Variants in RCOR3 observed in about 807,000 individuals in gnomAD.
The protein encoded by RCOR3 is REST corepressor 3.
Under a neutral mutation model 64.1 loss-of-function variants are expected in RCOR3, and 13 were observed. The observed-to-expected ratio is 0.20, with a 90% CI of 0.13 to 0.32. RCOR3 has a LOEUF of 0.32. RCOR3 is among the 10% of genes least tolerant of loss of function. The probability of loss-of-function intolerance (pLI) is 1.00; values close to 1 mark genes in which losing one functional copy is unlikely to be tolerated. For missense variants in RCOR3, 489 were observed against 701.2 expected (o/e 0.70, Z 3.42); for synonymous variants, 215 against 239.0 (o/e 0.90, Z 0.93).
Position 211,295,711 on chromosome 1 carries a change from A to G in RCOR3, c.975A>G (p.Lys325=), listed in dbSNP as rs368778946. The G allele has an allele frequency of 2.5e-6, 4 of 1,613,644 alleles. No individual in the cohort carries two copies. The highest frequency in any genetic ancestry group is 3.4e-6 in the Non-Finnish European group (4 of 1,179,824). Residue 325 remains lysine (K), a synonymous_variant, in exon 9 of 12, where the codon AAA becomes AAG. Coordinates refer to ENST00000419091, the MANE Select transcript of RCOR3 (RefSeq NM_001136223.3). The part of the protein sequence containing the change: ...QNAKQVNSAL[K]QKMEGGIEEF... ...CTAAGCAAGTAAACAGTGCACTTAA[A>G]CAGAAAATGGAAGGTGGAATTGAAG...
At position 211,278,105 on chromosome 1, in the gene RCOR3, A is replaced by T. The variant is rs780877176; in HGVS notation, c.517-12A>T. The T allele has an allele frequency of 1.3e-6, 2 of 1,582,136 alleles. No homozygotes were observed. The highest frequency in any genetic ancestry group is 3.7e-5 in the Admixed American group (2 of 53,708). Reference sequence around the variant, plus strand: ...AATTAAACTTGCTGATATTAACATGATTTTTTTTAAGCTTCCAGATAAGAC... The same window carrying T: ...AATTAAACTTGCTGATATTAACATGTTTTTTTTTAAGCTTCCAGATAAGAC... On this transcript the variant is annotated splice_polypyrimidine_tract_variant and intron_variant, in intron 5 of 11. Transcript: ENST00000419091.
At chr1:211,307,480 C>CA (rs1210930236) in intron 10 of RCOR3, among the ~76,000 whole-genome samples, 3 of 8,362 alleles carry the variant, frequency 3.6e-4, no homozygotes, top group African/African-American at 1.0e-3. Flanking sequence ...GACTCTGACT[C>CA]AAAAAAAAAA....
chr1:211,303,812 A>G (rs979386246), intron 9 of RCOR3: 4 of 243,000 alleles, frequency 1.6e-5, no homozygotes, highest in Non-Finnish European at 3.1e-5. Context: ...GGAAACTAAT[A>G]GACTTTCTCA....
rs1698938171 is a variant in RCOR3 at position 211,289,173 on chromosome 1, C to G, written c.721-5C>G. On this transcript the variant is annotated splice_polypyrimidine_tract_variant and splice_region_variant and intron_variant, in intron 7 of 11. Coordinates refer to ENST00000419091, the MANE Select transcript of RCOR3 (RefSeq NM_001136223.3). ...TGACCTGTTATTCTGCTTTTATTCTCTTAGGGTAATACTGAACAACCTGTC... is the reference window on the plus strand; with the variant it reads ...TGACCTGTTATTCTGCTTTTATTCTGTTAGGGTAATACTGAACAACCTGTC... The G allele has an allele frequency of 1.9e-6, 3 of 1,610,252 alleles. No individual in the cohort carries two copies. Among genetic ancestry groups the G allele is most frequent in the East Asian group, 2.2e-5 (1 of 44,848 alleles).
intron 8 of RCOR3, among the ~76,000 whole-genome samples, chr1:211,295,044 ATTTTTTT>A (rs67407386): frequency 2.3e-5 from 1 of 44,390 alleles, no homozygotes; most frequent in African/African-American, 8.2e-5. Context: ...TGACCAGCTA[ATTTTTTT>A]TTTTTTTTTT....
chr1:211,278,017 A>AT (rs1382423501), intron 5 of RCOR3, 100 bp from the exon 6 acceptor site: 10 of 1,085,750 alleles, frequency 9.2e-6, no homozygotes, highest in Non-Finnish European at 1.3e-5. Flanking sequence ...CCCATGAAAT[A>AT]TTTTTTTATT....
chr1:211,292,274 C>T (rs1456363667), intron 8 of RCOR3, among the ~76,000 whole-genome samples: 2 of 152,158 alleles, frequency 1.3e-5, no homozygotes, highest in Non-Finnish European at 2.9e-5. Flanking sequence ...ACCACTATAC[C>T]ACCAACGCAT....
rs561051139 is a variant in RCOR3 at position 211,294,343 on chromosome 1, C to A, written c.940-1333C>A. Among the ~76,000 whole-genome samples, 29 of 152,214 alleles carry A rather than the reference C, an allele frequency of 1.9e-4. 1 individual carries two copies. Among genetic ancestry groups the A allele is most frequent in the African/African-American group, 6.5e-4 (27 of 41,554 alleles). The stretch of plus-strand genomic sequence containing the variant: ...TTCACAAACTACAACCATTTTGACT[C>A]CCACTTCCATAAGCAACCTTCAGGT... On this transcript the variant is annotated intron_variant, in intron 8 of 11. Coordinates refer to ENST00000419091, the MANE Select transcript of RCOR3 (RefSeq NM_001136223.3).
intron 2 of RCOR3, 31 bp from the exon 3 acceptor site, chr1:211,271,201 C>G: frequency 6.3e-7 from 1 of 1,576,740 alleles, no homozygotes; most frequent in Non-Finnish European, 8.7e-7. Context: ...TAAAATCCAT[C>G]ATATTCAAAG....
intron 2 of RCOR3, 102 bp downstream of exon 2, chr1:211,260,266 G>A: frequency 9.5e-7 from 1 of 1,057,208 alleles, no homozygotes; most frequent in Non-Finnish European, 1.4e-6. Flanking sequence ...GGGGATGCGG[G>A]GTTGGGCTGG....
intron 3 of RCOR3, among the ~76,000 whole-genome samples, chr1:211,273,422 T>A (rs188682770): frequency 7.2e-5 from 11 of 152,322 alleles, no homozygotes; most frequent in African/African-American, 2.4e-4. Flanking sequence ...TCTTAACCAC[T>A]GCTTCTCAAA....
At chr1:211,275,097 A>C (rs554314601) in intron 4 of RCOR3, among the ~76,000 whole-genome samples, 77 of 151,806 alleles carry the variant, frequency 5.1e-4, no homozygotes, top group Middle Eastern at 3.6e-3. Context: ...GTAATGAGGG[A>C]ATGGAAATTA....
intron 2 of RCOR3, among the ~76,000 whole-genome samples, chr1:211,269,419 A>G (rs1279434605): frequency 6.6e-6 from 1 of 152,090 alleles, no homozygotes; most frequent in Non-Finnish European, 1.5e-5. Flanking sequence ...AACATGATGA[A>G]ACCCTGTCTC....
chr1:211,276,730 C>G (rs1196283086), intron 5 of RCOR3, among the ~76,000 whole-genome samples: 1 of 152,034 alleles, frequency 6.6e-6, no homozygotes, highest in African/African-American at 2.4e-5. Context: ...TTAAATGTTT[C>G]ACTCTTTGAC....
intron 2 of RCOR3, among the ~76,000 whole-genome samples, chr1:211,263,820 GT>G (rs66824153): frequency 0.95 from 142,931 of 149,940 alleles, 68,182 homozygotes; most frequent in East Asian, 1. Context: ...TTTTTGTTTT[GT>G]TTTTTTTTTG....
chr1:211,299,764 A>G (rs1700190786), intron 9 of RCOR3, among the ~76,000 whole-genome samples: 1 of 152,068 alleles, frequency 6.6e-6, no homozygotes, highest in Non-Finnish European at 1.5e-5. Context: ...TGTTATTTTT[A>G]AATCAACAGC....
At position 211,259,578 on chromosome 1, in the gene RCOR3, G is replaced by A; in HGVS notation, c.18G>A (p.Glu6=). 1 of 1,547,186 alleles carries A rather than the reference G, an allele frequency of 6.5e-7. No individual in the cohort carries two copies. The highest frequency in any genetic ancestry group is 2.5e-5 in the East Asian group (1 of 40,472). ...GTTCTACCATGCCCGGCATGATGGA[G>A]AAAGGGCCCGAGTTACTGGGGAAGA... MPGMM[E]KGPELLGKNR... Residue 6 remains glutamate (E), a synonymous_variant, in exon 1 of 12, where the codon GAG becomes GAA. Transcript: ENST00000419091.
At chr1:211,311,682 T>C (rs1015569209) in intron 10 of RCOR3, among the ~76,000 whole-genome samples, 9 of 152,178 alleles carry the variant, frequency 5.9e-5, no homozygotes, top group African/African-American at 2.2e-4. Flanking sequence ...CTTTCTCATC[T>C]CTTTCATTAG....
Position 211,314,854 on chromosome 1 carries a change from A to G in RCOR3, c.*1086A>G, listed in dbSNP as rs1701786123. ...TTGGATACATTTGTGTATTCCTTGC[A>G]GCCAACCTGTATTCGTGGGATTGGT... is the stretch of plus-strand genomic sequence containing the variant. On this transcript the variant is annotated 3_prime_UTR_variant, in exon 12 of 12. Transcript: ENST00000419091. The G allele has an allele frequency of 6.6e-6, 1 of 152,190 alleles. No individual in the cohort carries two copies. The highest frequency in any genetic ancestry group is 2.4e-5 in the African/African-American group (1 of 41,456). 9.4% of individuals were successfully genotyped at this position (152,190 alleles called of 1,614,324 possible). A position where few individuals can be genotyped will look rare whatever the true frequency, so the allele number is the denominator to read the frequency against.
Sources: allele counts gnomAD v4.1 joint callset (sites outside exome capture counted in the v4.1 genomes callset), GRCh38; gene constraint gnomAD v4.1.1; transcripts MANE v1.5; gene names NCBI Gene and HGNC (gene_info 2026-07-23, HGNC 2026-07-21).